CNOT2: variants seen among roughly 807,000 people sequenced by gnomAD.
CNOT2 encodes CC chemokine receptor 4-negative regulator of transcription 2.
In CNOT2, 7 loss-of-function variants were observed where a neutral mutation model predicts 72.1. That is an observed-to-expected ratio of 0.10 (90% CI 0.06 to 0.18). The LOEUF is 0.18. Ranked by LOEUF, CNOT2 falls within the 10% of genes least tolerant of loss-of-function variation. The pLI is 1.00. For missense variants in CNOT2, 345 were observed against 660.3 expected (o/e 0.52, Z 5.23); for synonymous variants, 196 against 225.6 (o/e 0.87, Z 1.17).
rs758444384 is a variant in CNOT2 at position 70,337,482 on chromosome 12, A to T, written c.869A>T (p.Asp290Val). Residue 290 changes from aspartate to valine, a missense_variant, in exon 9 of 16, where the codon GAT (aspartate) becomes GTT (valine). Around this residue, in one of 4 missense-constraint regions of CNOT2, gnomAD observed 128 missense variants for 233.0 expected, o/e 0.55. Transcript: ENST00000229195. ...FPALPGSSYK[D>V]PTSSNDDSKS... Reference sequence around the variant, plus strand: ...GCATTACCAGGCTCCAGCTATAAAGATCCAACATCAAGTAATGATGACAGT... The same window carrying T: ...GCATTACCAGGCTCCAGCTATAAAGTTCCAACATCAAGTAATGATGACAGT... 1 of 1,611,826 alleles carries T rather than the reference A, an allele frequency of 6.2e-7. No individual in the cohort carries two copies. The highest frequency in any genetic ancestry group is 1.7e-5 in the Admixed American group (1 of 59,902).
chr12:70,313,860 C>G (rs2135965297), intron 3 of CNOT2, among the ~76,000 whole-genome samples: 1 of 152,160 alleles, frequency 6.6e-6, no homozygotes, highest in East Asian at 1.9e-4. Context: ...TAAAATATCC[C>G]TTTATTATAT....
intron 1 of CNOT2, among the ~76,000 whole-genome samples, chr12:70,256,241 A>G (rs1958431698): frequency 2.0e-5 from 3 of 152,160 alleles, no homozygotes; most frequent in African/African-American, 4.8e-5. Flanking sequence ...CTTTTCTGTC[A>G]CTTAATACTA....
intron 3 of CNOT2, among the ~76,000 whole-genome samples, chr12:70,312,224 A>G (rs1876587189): frequency 6.6e-6 from 1 of 151,938 alleles, no homozygotes; most frequent in Non-Finnish European, 1.5e-5. Flanking sequence ...TTGAATTATT[A>G]TTTACACAGG....
intron 13 of CNOT2, among the ~76,000 whole-genome samples, chr12:70,343,010 T>A (rs1026149803): frequency 3.9e-5 from 6 of 152,154 alleles, no homozygotes; most frequent in Admixed American, 1.3e-4. Flanking sequence ...GATGTTGATG[T>A]GGACAGGCAA....
intron 1 of CNOT2, chr12:70,243,985 T>G (rs926194410): frequency 3.3e-5 from 5 of 152,316 alleles, no homozygotes; most frequent in Admixed American, 3.3e-4. Flanking sequence ...TGGTGCTGTC[T>G]GTGGCTTCTT....
chr12:70,247,306 A>T (rs939063841), intron 1 of CNOT2, among the ~76,000 whole-genome samples: 23 of 152,102 alleles, frequency 1.5e-4, no homozygotes, highest in African/African-American at 5.1e-4. Context: ...CTGGGATTAC[A>T]GGCATGCACC....
chr12:70,304,296 A>G (rs1267176182), intron 2 of CNOT2, among the ~76,000 whole-genome samples: 3 of 151,478 alleles, frequency 2.0e-5, no homozygotes, highest in South Asian at 2.1e-4. Context: ...TAGAGTTTCC[A>G]GTTTTTCTGC....
intron 1 of CNOT2, among the ~76,000 whole-genome samples, chr12:70,274,792 G>T (rs1402130620): frequency 6.6e-6 from 1 of 151,976 alleles, no homozygotes; most frequent in Non-Finnish European, 1.5e-5. Flanking sequence ...GGCCTTTGGG[G>T]TCTGGTTTGT....
chr12:70,317,302 C>T (rs1293172533), intron 3 of CNOT2, among the ~76,000 whole-genome samples: 3 of 151,976 alleles, frequency 2.0e-5, no homozygotes, highest in Non-Finnish European at 4.4e-5. Context: ...GTGCGCACAA[C>T]GTGCAGGTTT....
At chr12:70,264,852 T>G (rs560063351) in intron 1 of CNOT2, among the ~76,000 whole-genome samples, 67 of 152,294 alleles carry the variant, frequency 4.4e-4, no homozygotes, top group South Asian at 1.9e-3. Flanking sequence ...AATAAAATAG[T>G]TTTTCGTTTG....
At chr12:70,320,343 C>T (rs1878086107) in intron 4 of CNOT2, among the ~76,000 whole-genome samples, 1 of 151,630 alleles carries the variant, frequency 6.6e-6, no homozygotes, top group Non-Finnish European at 1.5e-5. Flanking sequence ...CTTTACCTTC[C>T]AAATTGATTC....
intron 2 of CNOT2, among the ~76,000 whole-genome samples, chr12:70,310,593 G>A (rs574140146): frequency 6.7e-6 from 1 of 149,312 alleles, no homozygotes; most frequent in South Asian, 2.1e-4. Flanking sequence ...AAAAATCTAT[G>A]TATGGGAAAA....
At chr12:70,263,263 C>G (rs2135744837) in intron 1 of CNOT2, among the ~76,000 whole-genome samples, 1 of 152,242 alleles carries the variant, frequency 6.6e-6, no homozygotes, top group African/African-American at 2.4e-5. Flanking sequence ...CAGAGGTTAT[C>G]AGCCATTATT....
chr12:70,297,742 T>C, intron 2 of CNOT2: 1 of 376,040 alleles, frequency 2.7e-6, no homozygotes. Flanking sequence ...TAATTTTTTT[T>C]TGTTTTCATT....
intron 2 of CNOT2, among the ~76,000 whole-genome samples, chr12:70,278,681 A>T (rs1161431662): frequency 1.3e-5 from 2 of 152,156 alleles, no homozygotes; most frequent in African/African-American, 4.8e-5. Flanking sequence ...ATGTAGACAA[A>T]ATTGAGTAGA....
At chr12:70,273,844 T>A (rs897270295) in intron 1 of CNOT2, among the ~76,000 whole-genome samples, 1 of 152,132 alleles carries the variant, frequency 6.6e-6, no homozygotes, top group Non-Finnish European at 1.5e-5. Flanking sequence ...AGTATGGATG[T>A]GAGACAACTG....
At chr12:70,298,943 GGAA>G (rs1437843199) in intron 2 of CNOT2, among the ~76,000 whole-genome samples, 2 of 152,092 alleles carry the variant, frequency 1.3e-5, no homozygotes, top group Admixed American at 6.5e-5. Flanking sequence ...AGAATTGAGG[GGAA>G]GAAGAATAGA....
Position 70,257,354 on chromosome 12 carries a change from C to CTTTTTTTTT in CNOT2, c.-96+13884_-96+13892dup, listed in dbSNP as rs34175539. Among the ~76,000 whole-genome samples the CTTTTTTTTT allele has an allele frequency of 3.8e-4, 49 of 128,570 alleles. 1 individual carries two copies. Among genetic ancestry groups the CTTTTTTTTT allele is most frequent in the African/African-American group, 9.5e-4 (34 of 35,662 alleles). The allele number at this position is 128,570 out of a possible 152,430, so 84.3% of individuals were successfully genotyped here. Reference sequence around the variant, plus strand: ...CAGTGAGTCTTTCCCCAACTACCCCCTTTTTTTTTTTTTTTTTTCTTTTTG... The same window carrying CTTTTTTTTT: ...CAGTGAGTCTTTCCCCAACTACCCCCTTTTTTTTTTTTTTTTTTTTTTTTTTTCTTTTTG... On this transcript the variant is annotated intron_variant, in intron 1 of 15. Transcript: ENST00000229195.
At chr12:70,331,767 A>C (rs1012994333) in intron 6 of CNOT2, 1 of 151,676 alleles carries the variant, frequency 6.6e-6, no homozygotes, top group African/African-American at 2.4e-5. Flanking sequence ...AAATTGTTTC[A>C]CTATAGGTTT....
Sources: allele counts gnomAD v4.1 joint callset (sites outside exome capture counted in the v4.1 genomes callset), GRCh38; gene constraint gnomAD v4.1.1; regional missense constraint gnomAD v4.1.1; transcripts MANE v1.5; gene names NCBI Gene and HGNC (gene_info 2026-07-23, HGNC 2026-07-21).